The following SPMAP2L variants were observed in gnomAD, a reference collection of about 807,000 sequenced individuals.
The protein encoded by SPMAP2L is sperm microtubule associated protein 2-like.
the SPMAP2L span, among the ~76,000 whole-genome samples, chr4:56,585,181 C>A: frequency 1.3e-5 from 2 of 152,116 alleles, no homozygotes; most frequent in Admixed American, 1.3e-4. Flanking sequence ...AAAGACTGTT[C>A]AAATTTGGAA....
chr4:56,530,655 G>C, the SPMAP2L span: 2 of 1,528,100 alleles, frequency 1.3e-6, no homozygotes, highest in African/African-American at 2.7e-5. Flanking sequence ...AGTCCCGCGC[G>C]CGACAGAAGC....
At chr4:56,598,761 G>A in the SPMAP2L span, among the ~76,000 whole-genome samples, 5 of 152,064 alleles carry the variant, frequency 3.3e-5, no homozygotes, top group Non-Finnish European at 5.9e-5. Flanking sequence ...GTAGGCCACA[G>A]AAGGAGCCTA....
chr4:56,576,665 G>A, the SPMAP2L span, among the ~76,000 whole-genome samples: 3 of 152,124 alleles, frequency 2.0e-5, no homozygotes, highest in South Asian at 2.1e-4. Flanking sequence ...AGAATACTGC[G>A]AAAGAAGGCC....
chr4:56,578,143 T>G, the SPMAP2L span, among the ~76,000 whole-genome samples: 1 of 152,190 alleles, frequency 6.6e-6, no homozygotes, highest in Non-Finnish European at 1.5e-5. Context: ...TTCTTCTACC[T>G]GACATAAAAG....
At chr4:56,559,608 C>T in the SPMAP2L span, 2 of 1,306,502 alleles carry the variant, frequency 1.5e-6, no homozygotes, top group Non-Finnish European at 2.0e-6. Context: ...CACACTGTCA[C>T]CTAGGCTGGA....
At chr4:56,566,020 G>T in the SPMAP2L span, among the ~76,000 whole-genome samples, 1 of 152,064 alleles carries the variant, frequency 6.6e-6, no homozygotes, top group African/African-American at 2.4e-5. Context: ...ATAGGCAAAT[G>T]TTGGTTTTTA....
chr4:56,609,142 C>G, the SPMAP2L span, among the ~76,000 whole-genome samples: 1 of 151,020 alleles, frequency 6.6e-6, no homozygotes, highest in Admixed American at 6.6e-5. Flanking sequence ...CTCTGCCTCC[C>G]GGGTTCAAGT....
At chr4:56,538,857 G>A in the SPMAP2L span, among the ~76,000 whole-genome samples, 1 of 152,132 alleles carries the variant, frequency 6.6e-6, no homozygotes, top group Non-Finnish European at 1.5e-5. Flanking sequence ...TTCTCAATTT[G>A]TCTTCTAGAT....
the SPMAP2L span, chr4:56,595,763 C>A: frequency 1.2e-6 from 1 of 826,940 alleles, no homozygotes; most frequent in East Asian, 2.4e-5. Flanking sequence ...GGTGCCTCTC[C>A]CCAGAGCATT....
chr4:56,574,550 C>A, the SPMAP2L span, among the ~76,000 whole-genome samples: 2 of 152,130 alleles, frequency 1.3e-5, no homozygotes, highest in African/African-American at 4.8e-5. Context: ...ACTCAGTTAT[C>A]TAGCAAAGTA....
At chr4:56,573,444 T>TC in the SPMAP2L span, among the ~76,000 whole-genome samples, 1 of 152,270 alleles carries the variant, frequency 6.6e-6, no homozygotes, top group East Asian at 1.9e-4. Context: ...TTCTTTTTTT[T>TC]CTATCTCTCA....
the SPMAP2L span, among the ~76,000 whole-genome samples, chr4:56,548,372 A>T: frequency 1.3e-5 from 2 of 152,002 alleles, no homozygotes; most frequent in African/African-American, 4.8e-5. Context: ...TGTTTTTCTT[A>T]TAATCTGTAC....
the SPMAP2L span, among the ~76,000 whole-genome samples, chr4:56,599,625 C>T: frequency 6.6e-6 from 1 of 152,186 alleles, no homozygotes; most frequent in Admixed American, 6.5e-5. Flanking sequence ...CATTGTTCAA[C>T]TCCTTCTTAT....
the SPMAP2L span, chr4:56,593,638 G>A: frequency 1.1e-5 from 18 of 1,605,414 alleles, no homozygotes; most frequent in African/African-American, 2.3e-4. Flanking sequence ...TGGGCTATGG[G>A]GGACCCCACG....
At chr4:56,550,373 T>TA in the SPMAP2L span, among the ~76,000 whole-genome samples, 3,697 of 150,986 alleles carry the variant, frequency 0.024, 145 homozygotes, top group African/African-American at 0.079. Flanking sequence ...GGTTTTCAGT[T>TA]AAAAAAAAAT....
At chr4:56,611,115 G>A in the SPMAP2L span, among the ~76,000 whole-genome samples, 1 of 152,134 alleles carries the variant, frequency 6.6e-6, no homozygotes, top group African/African-American at 2.4e-5. Flanking sequence ...AGGAAAAGAA[G>A]TCATTATACG....
chr4:56,583,299 AAAG>A, the SPMAP2L span, among the ~76,000 whole-genome samples: 1,134 of 151,988 alleles, frequency 7.5e-3, 20 homozygotes, highest in South Asian at 0.064. Context: ...AGGAAAAAAA[AAAG>A]AAATTCCGGA....
chr4:56,566,943 C>A, the SPMAP2L span, among the ~76,000 whole-genome samples: 1 of 151,876 alleles, frequency 6.6e-6, no homozygotes, highest in Non-Finnish European at 1.5e-5. Context: ...GATCCGCCCA[C>A]CTTGGCCTCC....
chr4:56,603,402 C>T, the SPMAP2L span: 1 of 1,039,404 alleles, frequency 9.6e-7, no homozygotes, highest in Non-Finnish European at 1.3e-6. Context: ...TGTTGCGGTA[C>T]TGTCAGTTTA....
Sources: gnomAD v4.1 joint callset for allele counts (sites outside exome capture counted in the v4.1 genomes callset) on GRCh38, gnomAD v4.1.1 for gene constraint, MANE v1.5 for transcripts, NCBI Gene and HGNC (gene_info 2026-07-23, HGNC 2026-07-21) for gene names.